TTC27: variants seen among roughly 807,000 people sequenced by gnomAD.
The protein encoded by TTC27 is tetratricopeptide repeat protein 27.
A neutral mutation model predicts 115.9 loss-of-function variants in TTC27; 79 were observed. The ratio of observed to expected loss-of-function variants is 0.68; its 90% CI spans 0.57 to 0.82. The LOEUF is 0.82. Ranked by LOEUF, TTC27 falls within the 40% of genes least tolerant of loss-of-function variation. The pLI is 0.00. For missense variants in TTC27, 1,054 were observed against 993.1 expected, an observed-to-expected ratio of 1.06 and a Z score of -0.82; for synonymous variants, 401 against 356.0, an observed-to-expected ratio of 1.13 and a Z score of -1.42.
At chr2:32,656,599 C>G (rs1391139216) in intron 5 of TTC27, among the ~76,000 whole-genome samples, 3 of 152,180 alleles carry the variant, frequency 2.0e-5, no homozygotes, top group Non-Finnish European at 4.4e-5. Flanking sequence ...TTGGTGATCA[C>G]CACGAAAGGG....
intron 9 of TTC27, among the ~76,000 whole-genome samples, chr2:32,692,529 G>A (rs2151895735): frequency 6.6e-6 from 1 of 152,190 alleles, no homozygotes; most frequent in African/African-American, 2.4e-5. Flanking sequence ...ACTGAACTGT[G>A]TGTTTAAAAA....
At chr2:32,716,711 A>G (rs1429977710) in intron 10 of TTC27, among the ~76,000 whole-genome samples, 1 of 151,396 alleles carries the variant, frequency 6.6e-6, no homozygotes, top group East Asian at 1.9e-4. Context: ...TTTCTTTCAG[A>G]GACAGGGTCT....
Position 32,652,749 on chromosome 2 carries a change from T to C in TTC27, c.640+2516T>C, listed in dbSNP as rs372727147. Among the ~76,000 whole-genome samples the C allele has an allele frequency of 1.2e-3, 178 of 152,334 alleles. 1 individual carries two copies. Among genetic ancestry groups the C allele is most frequent in the African/African-American group, 4.2e-3 (175 of 41,582 alleles). On this transcript the variant is annotated intron_variant, in intron 5 of 19. Transcript: ENST00000317907. ...ATTTTTAAAATGTTTTGTTCTGGGA[T>C]TTGATCCAAATGTAATAACTGAAAT... is the stretch of plus-strand genomic sequence containing the variant.
At chr2:32,666,179 G>A (rs982902549) in intron 6 of TTC27, among the ~76,000 whole-genome samples, 1 of 152,138 alleles carries the variant, frequency 6.6e-6, no homozygotes, top group African/African-American at 2.4e-5. Context: ...CTTACATGAA[G>A]TCAGATAGTG....
At chr2:32,707,329 A>C (rs1051149601) in intron 10 of TTC27, among the ~76,000 whole-genome samples, 7 of 152,160 alleles carry the variant, frequency 4.6e-5, no homozygotes, top group African/African-American at 1.7e-4. Context: ...TAAGAGAGAG[A>C]GCTCCCTTTT....
At chr2:32,717,123 C>A (rs1331042252) in intron 10 of TTC27, among the ~76,000 whole-genome samples, 3 of 151,714 alleles carry the variant, frequency 2.0e-5, no homozygotes, top group African/African-American at 2.4e-5. Context: ...CCTGTTTCAG[C>A]CCCCCACGCC....
intron 12 of TTC27, among the ~76,000 whole-genome samples, chr2:32,745,827 T>C (rs1668807221): frequency 6.6e-6 from 1 of 152,214 alleles, no homozygotes; most frequent in Non-Finnish European, 1.5e-5. Flanking sequence ...AGTGGCTCTT[T>C]CCTTTGGATG....
intron 12 of TTC27, among the ~76,000 whole-genome samples, chr2:32,749,797 G>A (rs1391474062): frequency 6.6e-6 from 1 of 151,980 alleles, no homozygotes; most frequent in African/African-American, 2.4e-5. Flanking sequence ...TATACTACTT[G>A]GAATTATTGT....
intron 13 of TTC27, among the ~76,000 whole-genome samples, chr2:32,761,256 G>A (rs117328995): frequency 1.3e-5 from 2 of 152,086 alleles, no homozygotes; most frequent in South Asian, 4.2e-4. Flanking sequence ...ACATCTAATC[G>A]ATCAGCAAGT....
At chr2:32,764,988 T>G (rs1371312532) in intron 13 of TTC27, among the ~76,000 whole-genome samples, 1 of 152,204 alleles carries the variant, frequency 6.6e-6, no homozygotes, top group Admixed American at 6.5e-5. Flanking sequence ...CTCGAACGCT[T>G]AAAAGTCATC....
intron 16 of TTC27, among the ~76,000 whole-genome samples, chr2:32,801,846 C>T (rs564512400): frequency 1.3e-5 from 2 of 152,230 alleles, no homozygotes; most frequent in African/African-American, 4.8e-5. Flanking sequence ...GACGAAAGAG[C>T]TGATGAGACT....
intron 9 of TTC27, among the ~76,000 whole-genome samples, chr2:32,688,251 C>A (rs1028895894): frequency 8.6e-5 from 13 of 152,006 alleles, no homozygotes; most frequent in African/African-American, 3.1e-4. Context: ...CAGAACAAAA[C>A]AGAGAAGAAA....
At chr2:32,780,007 C>T (rs1376550517) in intron 14 of TTC27, 8 of 414,566 alleles carry the variant, frequency 1.9e-5, no homozygotes, top group East Asian at 7.3e-5. Context: ...ATTTATGGTC[C>T]ATCAATCACA....
At chr2:32,749,932 T>G (rs1301382290) in intron 12 of TTC27, among the ~76,000 whole-genome samples, 1 of 152,202 alleles carries the variant, frequency 6.6e-6, no homozygotes, top group Non-Finnish European at 1.5e-5. Context: ...ATTTTATCAC[T>G]TAGGCCTGTT....
chr2:32,746,563 C>CAAAAAAAAAAAAAAAAAAAAAAAAAA lies in TTC27; in HGVS notation c.1452+9766_1452+9767insAAAAAAAAAAAAAAAAAAAAAAAAAA, dbSNP rs770621313. On this transcript the variant is annotated intron_variant, in intron 12 of 19. Coordinates refer to ENST00000317907, the MANE Select transcript of TTC27 (RefSeq NM_017735.5). ...TGGCAATAAGAGTGAAACTCCATCT[C>CAAAAAAAAAAAAAAAAAAAAAAAAAA]AAAAAAAAAAAAAAAAAAAGAATGC... 1.1e-3 allele frequency among the ~76,000 whole-genome samples: 50 copies of CAAAAAAAAAAAAAAAAAAAAAAAAAA among 46,298 alleles called. 4 individuals are homozygous for CAAAAAAAAAAAAAAAAAAAAAAAAAA. The highest frequency in any genetic ancestry group is 1.6e-3 in the Non-Finnish European group (45 of 27,686). 30.4% of individuals were successfully genotyped at this position (46,298 alleles called of 152,430 possible).
chr2:32,667,465 G>A (rs921065421), intron 7 of TTC27, among the ~76,000 whole-genome samples: 10 of 143,778 alleles, frequency 7.0e-5, no homozygotes, highest in Non-Finnish European at 1.3e-4. Context: ...TGCCCAGGCT[G>A]GAGTGTAGTG....
intron 9 of TTC27, among the ~76,000 whole-genome samples, chr2:32,682,436 T>G (rs1666463331): frequency 6.6e-6 from 1 of 152,156 alleles, no homozygotes; most frequent in African/African-American, 2.4e-5. Context: ...GATGCTAGTT[T>G]GTAGTAAAGC....
intron 9 of TTC27, among the ~76,000 whole-genome samples, chr2:32,685,684 C>T (rs1034784847): frequency 1.3e-5 from 2 of 152,240 alleles, no homozygotes; most frequent in African/African-American, 4.8e-5. Flanking sequence ...CAACACCTTT[C>T]ATTATAAAAA....
At chr2:32,817,982 G>A (rs11693565) in intron 19 of TTC27, among the ~76,000 whole-genome samples, 30,506 of 151,860 alleles carry the variant, frequency 0.2, 3,130 homozygotes, top group Admixed American at 0.25. Context: ...TCTTGAACCC[G>A]GGAGGCAGAG....
Sources: allele counts gnomAD v4.1 joint callset (sites outside exome capture counted in the v4.1 genomes callset), GRCh38; gene constraint gnomAD v4.1.1; transcripts MANE v1.5; gene names NCBI Gene and HGNC (gene_info 2026-07-23, HGNC 2026-07-21).